The following CD48 variants were observed in gnomAD, a reference collection of about 807,000 sequenced individuals.
The protein encoded by CD48 is CD48 molecule, also known as CD48 antigen.
In CD48, 20 loss-of-function variants were observed where a neutral mutation model predicts 22.0. The observed-to-expected ratio is 0.91, with a 90% CI of 0.64 to 1.32. The LOEUF is 1.32. Ranked by LOEUF, CD48 falls within the 40% of genes most tolerant of loss-of-function variation. The pLI is 0.00. For missense variants in CD48, 307 were observed against 286.5 expected (o/e 1.07, Z -0.52); for synonymous variants, 110 against 110.1 (o/e 1.00, Z 0.01).
At chr1:160,688,771 G>A (rs1310118759) in intron 1 of CD48, among the ~76,000 whole-genome samples, 2 of 152,152 alleles carry the variant, frequency 1.3e-5, no homozygotes, top group Non-Finnish European at 2.9e-5. Flanking sequence ...CCCATTTTAA[G>A]GGAAAGAATG....
chr1:160,701,294 C>T (rs546452428), intron 1 of CD48, among the ~76,000 whole-genome samples: 122 of 148,566 alleles, frequency 8.2e-4, no homozygotes, highest in African/African-American at 2.8e-3. Flanking sequence ...GGTTACCATC[C>T]GCCATTTGCC....
At chr1:160,696,606 C>A (rs915646994) in intron 1 of CD48, among the ~76,000 whole-genome samples, 21 of 151,680 alleles carry the variant, frequency 1.4e-4, no homozygotes, top group African/African-American at 4.8e-4. Flanking sequence ...AGTGTCAAGT[C>A]TTAGACCTGC....
At chr1:160,699,800 C>T (rs1056600670) in intron 1 of CD48, 1 of 151,654 alleles carries the variant, frequency 6.6e-6, no homozygotes. Context: ...GTCTTGTGAC[C>T]CTGACACATC....
At chr1:160,708,921 G>C (rs1490933966) in intron 1 of CD48, among the ~76,000 whole-genome samples, 1 of 152,102 alleles carries the variant, frequency 6.6e-6, no homozygotes, top group Non-Finnish European at 1.5e-5. Context: ...CACCAACTCT[G>C]GGAGGCTTCT....
chr1:160,681,193 C>T lies in CD48; in HGVS notation c.652+9G>A, dbSNP rs748564345. On this transcript the variant is annotated intron_variant, in intron 3 of 3. Coordinates refer to ENST00000368046, the MANE Select transcript of CD48 (RefSeq NM_001778.4). ...TGTGCCCCCCTCAGCTCCCAGGGATCCTTCTTACCCAGGGTACAGGGTGGA... is the reference window on the plus strand; with the variant it reads ...TGTGCCCCCCTCAGCTCCCAGGGATTCTTCTTACCCAGGGTACAGGGTGGA... 4.3e-6 allele frequency: 7 copies of T among 1,614,152 alleles called. No individual in the cohort carries two copies. The South Asian group carries it at 7.7e-5, about 18-fold the overall frequency.
chr1:160,706,593 T>C (rs1271318981), intron 1 of CD48, among the ~76,000 whole-genome samples: 3 of 152,220 alleles, frequency 2.0e-5, no homozygotes, highest in Non-Finnish European at 1.5e-5. Flanking sequence ...AAGCAACCTT[T>C]TAAAAAACTA....
chr1:160,688,383 C>A (rs2102410938), intron 1 of CD48, among the ~76,000 whole-genome samples: 1 of 152,294 alleles, frequency 6.6e-6, no homozygotes, highest in South Asian at 2.1e-4. Flanking sequence ...AATCCAGATT[C>A]CTTCTCAAAC....
rs1284787899 is a variant in CD48, at chr1:160,711,652, A to G, written c.82+30T>C. 5.8e-6 allele frequency: 9 copies of G among 1,544,574 alleles called. No individual in the cohort carries two copies. In the African/African-American group the frequency reaches 1.1e-4, roughly 19 times the overall value. ...CCAACTGACCATGCCTTCAGTGCAC[A>G]ATCACAGATACACAGTTGGTGGAAA... On this transcript the variant is annotated intron_variant, in intron 1 of 3. Coordinates refer to ENST00000368046, the MANE Select transcript of CD48 (RefSeq NM_001778.4).
At chr1:160,695,329 G>T (rs61801616) in intron 1 of CD48, among the ~76,000 whole-genome samples, 1 of 151,878 alleles carries the variant, frequency 6.6e-6, no homozygotes, top group African/African-American at 2.4e-5. Context: ...ATGTGCTGCA[G>T]AAACGAAAGA....
intron 1 of CD48, chr1:160,692,220 T>A (rs563596322): frequency 2.0e-5 from 3 of 152,226 alleles, no homozygotes; most frequent in Admixed American, 2.0e-4. Context: ...CTGGAAGCTG[T>A]ATAATAGATT....
chr1:160,686,250 G>A (rs548797127), intron 1 of CD48, among the ~76,000 whole-genome samples: 1 of 152,112 alleles, frequency 6.6e-6, no homozygotes, highest in East Asian at 1.9e-4. Context: ...TAGCCTAGGG[G>A]AGAATGGGAC....
At chr1:160,708,095 G>A (rs547964776) in intron 1 of CD48, among the ~76,000 whole-genome samples, 40 of 152,304 alleles carry the variant, frequency 2.6e-4, no homozygotes, top group African/African-American at 8.9e-4. Context: ...GGTTGAGAAT[G>A]GCTTCTGTAC....
At chr1:160,684,575 G>A (rs903112377) in intron 2 of CD48, 4 of 674,456 alleles carry the variant, frequency 5.9e-6, no homozygotes, top group Non-Finnish European at 7.2e-6. Flanking sequence ...TAATCAAGAT[G>A]AGCTGAGCTG....
chr1:160,709,697 C>T lies in CD48; in HGVS notation c.82+1985G>A, dbSNP rs1005341069. On this transcript the variant is annotated intron_variant, in intron 1 of 3. Coordinates refer to ENST00000368046, the MANE Select transcript of CD48 (RefSeq NM_001778.4). ...AAGTTTTCCACAGAAGCATCCCTTA[C>T]GGCAGAGGAGAGAACTACTTGCACT... Among the ~76,000 whole-genome samples the T allele has an allele frequency of 5.3e-5, 8 of 152,238 alleles. No homozygotes were observed. In the South Asian group the frequency reaches 8.3e-4, roughly 16 times the overall value.
chr1:160,698,185 A>G (rs1246413484), intron 1 of CD48, among the ~76,000 whole-genome samples: 1 of 152,136 alleles, frequency 6.6e-6, no homozygotes, highest in African/African-American at 2.4e-5. Context: ...TAGTTATTAA[A>G]CCAGCCTCCC....
Position 160,681,029 on chromosome 1 carries a change from T to G in CD48, c.652+173A>C, listed in dbSNP as rs547065869. 1.8e-4 allele frequency: 266 copies of G among 1,476,694 alleles called. No homozygotes were observed. The highest frequency in any genetic ancestry group is 5.1e-4 in the Admixed American group (22 of 43,122). The allele number at this position is 1,476,694 out of a possible 1,614,324, so 91.5% of individuals were successfully genotyped here. A position where few individuals can be genotyped will look rare whatever the true frequency, so the allele number is the denominator to read the frequency against. ...CCCCACGAAGTTGAGGTAAGCTGGC[T>G]GGGAGGTGGTGGTAGAGCTGGTGGC... On this transcript the variant is annotated intron_variant, in intron 3 of 3. Coordinates refer to ENST00000368046, the MANE Select transcript of CD48 (RefSeq NM_001778.4).
intron 1 of CD48, among the ~76,000 whole-genome samples, chr1:160,706,799 G>A (rs1428108999): frequency 6.6e-5 from 10 of 152,102 alleles, no homozygotes; most frequent in East Asian, 1.9e-4. Flanking sequence ...GAATTGTAAC[G>A]GGAAAAAATT....
At chr1:160,708,290 A>G (rs1379788452) in intron 1 of CD48, among the ~76,000 whole-genome samples, 2 of 152,214 alleles carry the variant, frequency 1.3e-5, no homozygotes, top group Non-Finnish European at 2.9e-5. Flanking sequence ...TCATTATGAA[A>G]TGTGAACTTT....
At chr1:160,682,595 C>A (rs1661850131) in intron 2 of CD48, among the ~76,000 whole-genome samples, 1 of 151,908 alleles carries the variant, frequency 6.6e-6, no homozygotes, top group African/African-American at 2.4e-5. Context: ...GTGAGACCAG[C>A]CTGGGTCCTG....
Sources: allele counts gnomAD v4.1 joint callset (sites outside exome capture counted in the v4.1 genomes callset), GRCh38; gene constraint gnomAD v4.1.1; transcripts MANE v1.5; gene names NCBI Gene and HGNC (gene_info 2026-07-23, HGNC 2026-07-21).